The following UPP2 variants were observed in gnomAD, a reference collection of about 807,000 sequenced individuals.
UPP2 encodes uridine phosphorylase 2, also known as UPase 2.
In UPP2, 23 loss-of-function variants were observed where a neutral mutation model predicts 26.7. That is an observed-to-expected ratio of 0.86 (90% CI 0.62 to 1.22). The LOEUF (loss-of-function observed/expected upper bound fraction) is 1.22. UPP2 is among the 50% of genes most tolerant of loss of function. UPP2 has a pLI of 0.00. For synonymous variants in UPP2, 127 were observed against 141.3 expected (o/e 0.90, Z 0.72); for missense variants, 387 against 396.7 (o/e 0.98, Z 0.21).
intron 3 of UPP2, among the ~76,000 whole-genome samples, chr2:158,025,134 G>A (rs1018402019): frequency 2.6e-5 from 4 of 151,646 alleles, no homozygotes; most frequent in Admixed American, 1.3e-4. Context: ...CCCGGGAGGT[G>A]GAGGCTGCAG....
In UPP2 at chr2:158,134,949, G is replaced by C; in HGVS notation, c.*59G>C. ...AAGTTTGTAGCTCAAGTTGTAATGT[G>C]AAAGTCATATTTTATTTGTGGCATT... On this transcript the variant is annotated 3_prime_UTR_variant, in exon 7 of 7. Transcript: ENST00000005756. The C allele has an allele frequency of 2.0e-6, 3 of 1,516,836 alleles. No homozygotes were observed. The highest frequency in any genetic ancestry group is 2.6e-5 in the South Asian group (2 of 75,622). 94.0% of individuals were successfully genotyped at this position (1,516,836 alleles called of 1,614,324 possible).
intron 3 of UPP2, among the ~76,000 whole-genome samples, chr2:158,072,486 G>A (rs1682558534): frequency 6.6e-6 from 1 of 152,102 alleles, no homozygotes; most frequent in African/African-American, 2.4e-5. Context: ...AGTGAACACA[G>A]GCAGTAGCCA....
intron 3 of UPP2, among the ~76,000 whole-genome samples, chr2:158,040,577 A>G (rs1259087986): frequency 1.3e-5 from 2 of 152,210 alleles, no homozygotes; most frequent in Admixed American, 1.3e-4. Context: ...GGGTCACTGA[A>G]GAAGAATATA....
intron 3 of UPP2, among the ~76,000 whole-genome samples, chr2:158,095,086 C>A (rs550725857): frequency 6.6e-6 from 1 of 152,312 alleles, no homozygotes; most frequent in South Asian, 2.1e-4. Context: ...TCAGGGACAG[C>A]TCAGGGGCAG....
At chr2:158,047,213 T>G (rs1449228719) in intron 3 of UPP2, among the ~76,000 whole-genome samples, 1 of 152,188 alleles carries the variant, frequency 6.6e-6, no homozygotes, top group Non-Finnish European at 1.5e-5. Context: ...ATAAACATCT[T>G]TATCAGGAAC....
intron 2 of UPP2, among the ~76,000 whole-genome samples, chr2:158,112,557 T>C (rs1319060149): frequency 1.3e-5 from 2 of 152,192 alleles, no homozygotes; most frequent in East Asian, 3.9e-4. Context: ...TGATTTCTTA[T>C]GTAAGATACC....
upstream of UPP2, chr2:158,101,788 CA>C (rs1255351056): frequency 3.1e-5 from 36 of 1,158,872 alleles, no homozygotes; most frequent in South Asian, 1.0e-3. Flanking sequence ...GCCACACCTT[CA>C]AAGGGGGCCT....
chr2:158,092,281 A>T (rs1411503020), intron 3 of UPP2, among the ~76,000 whole-genome samples: 1 of 152,176 alleles, frequency 6.6e-6, no homozygotes, highest in African/African-American at 2.4e-5. Flanking sequence ...GTTATTTTCT[A>T]AAAAAGTCAC....
At chr2:158,065,147 T>G (rs1277497463) in intron 3 of UPP2, among the ~76,000 whole-genome samples, 1 of 152,170 alleles carries the variant, frequency 6.6e-6, no homozygotes, top group Non-Finnish European at 1.5e-5. Context: ...TTTATGGAGT[T>G]TCTGAAGGGC....
At chr2:158,102,256 C>A in intron 1 of UPP2, 131 bp downstream of exon 1, 1 of 891,212 alleles carries the variant, frequency 1.1e-6, no homozygotes, top group Non-Finnish European at 1.6e-6. Context: ...TCACTGGATG[C>A]AGCTCATAAA....
intron 2 of UPP2, among the ~76,000 whole-genome samples, chr2:158,010,276 G>A (rs1329381665): frequency 2.0e-5 from 3 of 152,154 alleles, no homozygotes; most frequent in Non-Finnish European, 2.9e-5. Flanking sequence ...AGGAACACTA[G>A]ATTGTTAAAA....
intron 2 of UPP2, among the ~76,000 whole-genome samples, chr2:158,110,630 A>G (rs1683299595): frequency 6.6e-6 from 1 of 152,198 alleles, no homozygotes; most frequent in Non-Finnish European, 1.5e-5. Context: ...CAGTCCCACC[A>G]ACAGTGTAAA....
At chr2:158,061,790 G>A (rs1437920859) in intron 3 of UPP2, among the ~76,000 whole-genome samples, 1 of 152,212 alleles carries the variant, frequency 6.6e-6, no homozygotes, top group African/African-American at 2.4e-5. Context: ...TCTGGCCCTT[G>A]GCCTATGTGT....
chr2:158,046,695 C>A (rs762685993), intron 3 of UPP2, among the ~76,000 whole-genome samples: 2 of 152,116 alleles, frequency 1.3e-5, no homozygotes, highest in African/African-American at 4.8e-5. Flanking sequence ...CCCTTTAAAC[C>A]TCTCCACTTA....
intron 3 of UPP2, among the ~76,000 whole-genome samples, chr2:158,036,280 T>A (rs930841659): frequency 2.0e-5 from 3 of 152,220 alleles, no homozygotes; most frequent in African/African-American, 7.2e-5. Context: ...TTCTTTTTTT[T>A]AAGGTATAAT....
chr2:158,012,046 A>G (rs1308085362), intron 2 of UPP2, among the ~76,000 whole-genome samples: 1 of 151,876 alleles, frequency 6.6e-6, no homozygotes, highest in Non-Finnish European at 1.5e-5. Context: ...CATCTTTTTT[A>G]TCCTTTGGGT....
chr2:158,076,103 C>T (rs1406432251), intron 3 of UPP2, among the ~76,000 whole-genome samples: 3 of 151,768 alleles, frequency 2.0e-5, no homozygotes, highest in Non-Finnish European at 1.5e-5. Context: ...TAGACATATA[C>T]CACCTAACAA....
rs902421966 is a variant in UPP2, at chr2:158,022,187, C to T, written c.147+6301C>T. Among the ~76,000 whole-genome samples, 8 of 152,146 alleles carry T rather than the reference C, an allele frequency of 5.3e-5. No homozygotes were observed. The East Asian group carries it at 9.7e-4, about 18-fold the overall frequency. On this transcript the variant is annotated intron_variant, in intron 3 of 9. Transcript: ENST00000605860. ...ATATAATAAAAGTCTTGGCCATGTG[C>T]GGTGGCTCATGCCTGTAATCCCAGC...
intron 2 of UPP2, among the ~76,000 whole-genome samples, chr2:158,003,367 C>A (rs1207620729): frequency 2.6e-5 from 4 of 152,038 alleles, no homozygotes; most frequent in Non-Finnish European, 5.9e-5. Flanking sequence ...AAATTGAAGA[C>A]AATTGGAGCC....
Sources: gnomAD v4.1 joint callset for allele counts (sites outside exome capture counted in the v4.1 genomes callset) on GRCh38, gnomAD v4.1.1 for gene constraint, MANE v1.5 for transcripts, NCBI Gene and HGNC (gene_info 2026-07-23, HGNC 2026-07-21) for gene names.